Variants in SGCZ observed in about 807,000 individuals in gnomAD.
The protein encoded by SGCZ is zeta-sarcoglycan.
In SGCZ, 40 loss-of-function variants were observed where a neutral mutation model predicts 41.3. The observed-to-expected ratio is 0.97, with a 90% CI of 0.75 to 1.26. The LOEUF is 1.26. Among genes scored for constraint, SGCZ ranks in the 50% most tolerant of loss-of-function variants. The pLI is 0.00. For missense variants in SGCZ, 552 were observed against 369.8 expected (o/e 1.49, Z -4.04); for synonymous variants, 206 against 137.5 (o/e 1.50, Z -3.49).
chr8:15,157,591 C>A lies in SGCZ; in HGVS notation c.39+79994G>T, dbSNP rs914897726. On this transcript the variant is annotated intron_variant, in intron 1 of 7. Transcript: ENST00000382080. ...AATACTCAGGACCAGGAGGCTACCA[C>A]ACCAGACTAATGTCCTGGTTCTACT... Among the ~76,000 whole-genome samples, 8 of 152,310 alleles carry A rather than the reference C, an allele frequency of 5.3e-5. No homozygotes were observed. The East Asian group carries it at 1.5e-3, about 29-fold the overall frequency.
chr8:15,217,992 A>T (rs2117177160), intron 1 of SGCZ, among the ~76,000 whole-genome samples: 1 of 152,286 alleles, frequency 6.6e-6, no homozygotes, highest in South Asian at 2.1e-4. Context: ...AGGCCGAGGT[A>T]GGAGAATTAC....
intron 1 of SGCZ, among the ~76,000 whole-genome samples, chr8:15,039,551 A>G (rs1203769082): frequency 3.3e-5 from 5 of 152,192 alleles, no homozygotes; most frequent in Admixed American, 1.3e-4. Context: ...CTATTGGACA[A>G]TATGGTGACT....
chr8:15,151,472 G>A (rs900899199), intron 1 of SGCZ, among the ~76,000 whole-genome samples: 1 of 152,062 alleles, frequency 6.6e-6, no homozygotes, highest in African/African-American at 2.4e-5. Flanking sequence ...GTGAAAAGTT[G>A]GAAAATATAA....
intron 1 of SGCZ, among the ~76,000 whole-genome samples, chr8:15,172,757 C>T (rs186277648): frequency 1.4e-4 from 21 of 152,150 alleles, no homozygotes; most frequent in Admixed American, 6.5e-5. Flanking sequence ...TTTCATAATG[C>T]GCTTTACTGC....
At chr8:14,701,543 A>G (rs1391775031) in intron 1 of SGCZ, among the ~76,000 whole-genome samples, 2 of 151,968 alleles carry the variant, frequency 1.3e-5, no homozygotes, top group African/African-American at 2.4e-5. Context: ...ATTTAATAAC[A>G]TAAATTCCAC....
chr8:14,649,902 G>T (rs1234536223), intron 1 of SGCZ, among the ~76,000 whole-genome samples: 2 of 152,020 alleles, frequency 1.3e-5, no homozygotes, highest in South Asian at 4.1e-4. Flanking sequence ...TTGATGAGAA[G>T]ATTGTGAGTT....
intron 1 of SGCZ, among the ~76,000 whole-genome samples, chr8:14,767,534 T>A (rs565038086): frequency 1.3e-5 from 2 of 152,220 alleles, no homozygotes; most frequent in African/African-American, 4.8e-5. Flanking sequence ...TGATGAGGAA[T>A]GCAGATTGTA....
intron 1 of SGCZ, among the ~76,000 whole-genome samples, chr8:15,139,583 C>T (rs1808245359): frequency 1.3e-5 from 2 of 152,080 alleles, no homozygotes; most frequent in African/African-American, 2.4e-5. Context: ...CACAGTGAAG[C>T]AAAATAGCAT....
At chr8:14,251,219 C>A (rs1351610321) in intron 3 of SGCZ, among the ~76,000 whole-genome samples, 1 of 152,090 alleles carries the variant, frequency 6.6e-6, no homozygotes, top group East Asian at 1.9e-4. Flanking sequence ...CAGAGCGAGA[C>A]TCTATCTCAA....
chr8:15,084,961 A>G (rs1805895740), intron 1 of SGCZ, among the ~76,000 whole-genome samples: 1 of 152,206 alleles, frequency 6.6e-6, no homozygotes, highest in Non-Finnish European at 1.5e-5. Flanking sequence ...AATAGTCAGT[A>G]TAATTCAGTG....
chr8:14,302,841 G>A (rs1801241219), intron 3 of SGCZ, among the ~76,000 whole-genome samples: 1 of 152,110 alleles, frequency 6.6e-6, no homozygotes, highest in South Asian at 2.1e-4. Flanking sequence ...CAATTCTGAT[G>A]ACGTCACTTA....
chr8:14,234,560 G>C (rs1806688164), intron 4 of SGCZ, among the ~76,000 whole-genome samples: 1 of 151,956 alleles, frequency 6.6e-6, no homozygotes, highest in African/African-American at 2.4e-5. Flanking sequence ...AAAATGAAGA[G>C]TAACTGAAAT....
chr8:14,734,163 C>A (rs1798957661), intron 1 of SGCZ, among the ~76,000 whole-genome samples: 1 of 152,176 alleles, frequency 6.6e-6, no homozygotes, highest in Non-Finnish European at 1.5e-5. Flanking sequence ...ACTAGAACAG[C>A]AAATGATGAA....
At chr8:14,546,238 G>A (rs1230396508) in intron 2 of SGCZ, among the ~76,000 whole-genome samples, 2 of 152,166 alleles carry the variant, frequency 1.3e-5, no homozygotes, top group Non-Finnish European at 2.9e-5. Context: ...TCACGCCCTA[G>A]AAGGTGGAGC....
At chr8:15,003,108 A>C (rs1002316218) in intron 1 of SGCZ, among the ~76,000 whole-genome samples, 3 of 152,082 alleles carry the variant, frequency 2.0e-5, no homozygotes, top group African/African-American at 7.2e-5. Context: ...AAAGAGGTAT[A>C]TTGTCATGGT....
intron 1 of SGCZ, among the ~76,000 whole-genome samples, chr8:15,030,392 G>T (rs991429387): frequency 2.0e-5 from 3 of 151,924 alleles, no homozygotes; most frequent in Non-Finnish European, 1.5e-5. Context: ...GTAAAAAAAA[G>T]GTTTTTACTA....
chr8:14,592,488 A>C (rs1805271274), intron 1 of SGCZ, among the ~76,000 whole-genome samples: 1 of 152,056 alleles, frequency 6.6e-6, no homozygotes, highest in Non-Finnish European at 1.5e-5. Flanking sequence ...TACAAAGTTT[A>C]TCTCTTCCAA....
At chr8:14,442,831 T>C (rs946441898) in intron 2 of SGCZ, among the ~76,000 whole-genome samples, 4 of 152,198 alleles carry the variant, frequency 2.6e-5, no homozygotes, top group Admixed American at 1.3e-4. Context: ...TGTATCATTA[T>C]CTTTAAGCTC....
chr8:15,195,811 T>C (rs887210736), intron 1 of SGCZ, among the ~76,000 whole-genome samples: 6 of 152,174 alleles, frequency 3.9e-5, no homozygotes, highest in Non-Finnish European at 4.4e-5. Context: ...ACTGTATGTT[T>C]ATAGCAAATG....
Sources: allele counts gnomAD v4.1 joint callset (sites outside exome capture counted in the v4.1 genomes callset), GRCh38; gene constraint gnomAD v4.1.1; transcripts MANE v1.5; gene names NCBI Gene and HGNC (gene_info 2026-07-23, HGNC 2026-07-21).